CMSS1: variants seen among roughly 807,000 people sequenced by gnomAD.
The protein encoded by CMSS1 is cms1 ribosomal small subunit homolog, also known as protein CMSS1.
A neutral mutation model predicts 43.5 loss-of-function variants in CMSS1; 33 were observed. The ratio of observed to expected loss-of-function variants is 0.76; its 90% confidence interval spans 0.57 to 1.01. The LOEUF (loss-of-function observed/expected upper bound fraction) is 1.01, where lower values mean the gene tolerates loss of function less well. Ranked by LOEUF, CMSS1 falls within the 50% of genes least tolerant of loss-of-function variation. The pLI is 0.00. For missense variants in CMSS1, 313 were observed against 326.4 expected, an observed-to-expected ratio of 0.96 and a Z score of 0.32; for synonymous variants, 115 against 117.2, an observed-to-expected ratio of 0.98 and a Z score of 0.12.
intron 1 of CMSS1, among the ~76,000 whole-genome samples, chr3:100,019,610 T>C (rs2064769682): frequency 1.3e-5 from 2 of 152,334 alleles, no homozygotes; most frequent in Admixed American, 1.3e-4. Flanking sequence ...TTTTTTCCTC[T>C]AAAATTATTT....
At chr3:99,987,156 G>A (rs1709365415) in intron 1 of CMSS1, among the ~76,000 whole-genome samples, 1 of 151,516 alleles carries the variant, frequency 6.6e-6, no homozygotes, top group African/African-American at 2.4e-5. Context: ...CTTAAGCCCA[G>A]GAGGTTGAGG....
At chr3:100,091,814 TCTC>T (rs1458963680) in intron 1 of CMSS1, among the ~76,000 whole-genome samples, 3 of 152,232 alleles carry the variant, frequency 2.0e-5, no homozygotes, top group Admixed American at 2.0e-4. Flanking sequence ...TTGCTCAGCG[TCTC>T]CTCTCGTGAT....
intron 8 of CMSS1, among the ~76,000 whole-genome samples, chr3:100,175,502 C>T (rs1327763593): frequency 1.3e-5 from 2 of 152,160 alleles, no homozygotes; most frequent in Non-Finnish European, 2.9e-5. Context: ...TTCCAGTTCA[C>T]TATTTTTATT....
chr3:100,159,951 C>T, intron 2 of CMSS1: 1 of 456,262 alleles, frequency 2.2e-6, no homozygotes, highest in Non-Finnish European at 4.4e-6. Flanking sequence ...ATTTTCTATG[C>T]TTATTGAAAA....
intron 1 of CMSS1, among the ~76,000 whole-genome samples, chr3:99,864,226 T>C (rs1208201921): frequency 6.6e-6 from 1 of 151,764 alleles, no homozygotes; most frequent in Non-Finnish European, 1.5e-5. Flanking sequence ...ATTTTCTTAG[T>C]TGAAAAACTG....
intron 1 of CMSS1, among the ~76,000 whole-genome samples, chr3:99,971,345 A>G (rs914995464): frequency 9.9e-5 from 15 of 151,668 alleles, no homozygotes; most frequent in Non-Finnish European, 2.1e-4. Context: ...AAAAAAAAAA[A>G]AAAAGAGAAT....
intron 1 of CMSS1, among the ~76,000 whole-genome samples, chr3:99,905,522 A>G (rs1180087655): frequency 6.6e-6 from 1 of 152,158 alleles, no homozygotes; most frequent in African/African-American, 2.4e-5. Context: ...CATAATCATT[A>G]TTTCTCCATT....
At chr3:99,853,504 T>G (rs1943806620) in intron 1 of CMSS1, among the ~76,000 whole-genome samples, 1 of 152,204 alleles carries the variant, frequency 6.6e-6, no homozygotes, top group Admixed American at 6.5e-5. Context: ...TGGTGATTAG[T>G]GAGTGCAGTG....
chr3:100,065,569 T>A (rs1170921942), intron 1 of CMSS1, among the ~76,000 whole-genome samples: 1 of 152,252 alleles, frequency 6.6e-6, no homozygotes, highest in Non-Finnish European at 1.5e-5. Flanking sequence ...TTCTTGGTCT[T>A]CCACTTTTCA....
chr3:100,086,738 A>G (rs1233478149), intron 1 of CMSS1, among the ~76,000 whole-genome samples: 2 of 152,162 alleles, frequency 1.3e-5, no homozygotes, highest in Non-Finnish European at 2.9e-5. Context: ...GGTAAAATTC[A>G]CTTTTGTGTC....
In CMSS1 at chr3:100,167,733, T is replaced by G. The variant is rs145645351; in HGVS notation, c.416-5T>G. ...CAAATAATTGTTTTCTGTTCTTTTT[T>G]CCAGTTTGTCCTAAGTGGGTAAAAC... On this transcript the variant is annotated splice_polypyrimidine_tract_variant and splice_region_variant and intron_variant, in intron 5 of 9. Coordinates refer to ENST00000421999, the MANE Select transcript of CMSS1 (RefSeq NM_032359.4). 6.3e-7 allele frequency: 1 copy of G among 1,594,128 alleles called. No individual in the cohort carries two copies. Among genetic ancestry groups the G allele is most frequent in the Non-Finnish European group, 8.6e-7 (1 of 1,167,548 alleles).
rs147970262 is a variant in CMSS1 at position 100,014,965 on chromosome 3, C to T, written c.65-132008C>T. ...GGGATCATATCCAAAAATTATTTCC[C>T]CTACCAATATCAAGAAGCTTTTTCC... On this transcript the variant is annotated intron_variant, in intron 1 of 9. Coordinates refer to ENST00000421999, the MANE Select transcript of CMSS1 (RefSeq NM_032359.4). Among the ~76,000 whole-genome samples, 567 of 137,312 alleles carry T rather than the reference C, an allele frequency of 4.1e-3. 1 individual carries two copies. Among genetic ancestry groups the T allele is most frequent in the Non-Finnish European group, 5.4e-3 (351 of 65,276 alleles). 90.1% of individuals were successfully genotyped at this position (137,312 alleles called of 152,430 possible).
intron 1 of CMSS1, among the ~76,000 whole-genome samples, chr3:100,050,498 A>T (rs115052516): frequency 6.6e-6 from 1 of 152,122 alleles, no homozygotes; most frequent in Non-Finnish European, 1.5e-5. Flanking sequence ...TTTTAGAGGC[A>T]TCTCTGTAAA....
intron 1 of CMSS1, among the ~76,000 whole-genome samples, chr3:99,922,799 A>G (rs1290002475): frequency 6.6e-6 from 1 of 152,220 alleles, no homozygotes; most frequent in Non-Finnish European, 1.5e-5. Context: ...ATATTTACCA[A>G]CCAAACTCTC....
chr3:100,101,716 C>T (rs890082472), intron 1 of CMSS1, among the ~76,000 whole-genome samples: 5 of 152,088 alleles, frequency 3.3e-5, no homozygotes, highest in East Asian at 1.9e-4. Flanking sequence ...GTGTGCTGCA[C>T]CCATTAACTC....
intron 1 of CMSS1, among the ~76,000 whole-genome samples, chr3:100,049,912 G>C (rs972232650): frequency 6.6e-6 from 1 of 152,134 alleles, no homozygotes; most frequent in African/African-American, 2.4e-5. Context: ...AGTTTGGGGG[G>C]AGTCAAAAGT....
Position 99,828,967 on chromosome 3 carries a change from C to T in CMSS1, c.64+10924C>T, listed in dbSNP as rs570656376. On this transcript the variant is annotated intron_variant, in intron 1 of 9. Coordinates refer to ENST00000421999, the MANE Select transcript of CMSS1 (RefSeq NM_032359.4). ...ATCCCTCTCAATGCTGCCCATCATC[C>T]CTTTCAATGCTGCCCAGGCCTCTAG... Among the ~76,000 whole-genome samples the T allele has an allele frequency of 2.6e-5, 4 of 152,204 alleles. No homozygotes were observed. The East Asian group carries it at 7.7e-4, about 29-fold the overall frequency.
intron 9 of CMSS1, among the ~76,000 whole-genome samples, chr3:100,176,934 A>T (rs2067152365): frequency 6.6e-6 from 1 of 152,214 alleles, no homozygotes; most frequent in South Asian, 2.1e-4. Flanking sequence ...GAATGCATTT[A>T]TGGGCACAGT....
At chr3:99,848,705 C>T (rs1188613109) in intron 1 of CMSS1, 1 of 1,614,026 alleles carries the variant, frequency 6.2e-7, no homozygotes, top group Non-Finnish European at 8.5e-7. Flanking sequence ...GTTAGAGAAC[C>T]ACAAGACTCT....
Sources: allele counts gnomAD v4.1 joint callset (sites outside exome capture counted in the v4.1 genomes callset), GRCh38; gene constraint gnomAD v4.1.1; transcripts MANE v1.5; gene names NCBI Gene and HGNC (gene_info 2026-07-23, HGNC 2026-07-21).